Variants in MOB3B observed in about 807,000 individuals in gnomAD.
The protein encoded by MOB3B is MOB kinase activator 3B.
In MOB3B, 7 loss-of-function variants were observed where a neutral mutation model predicts 18.7. That is an observed-to-expected ratio of 0.37 (90% CI 0.21 to 0.70). The LOEUF (loss-of-function observed/expected upper bound fraction) is 0.70, where lower values mean the gene tolerates loss of function less well. Among genes scored for constraint, MOB3B ranks in the 30% least tolerant of loss-of-function variants. The probability of loss-of-function intolerance (pLI) is 0.52; values close to 1 mark genes in which losing one functional copy is unlikely to be tolerated. For missense variants in MOB3B, 253 were observed against 281.3 expected (o/e 0.90, Z 0.72); for synonymous variants, 111 against 99.9 (o/e 1.11, Z -0.66).
chr9:27,518,272 G>A (rs1215031990), intron 1 of MOB3B, among the ~76,000 whole-genome samples: 1 of 152,092 alleles, frequency 6.6e-6, no homozygotes, highest in Non-Finnish European at 1.5e-5. Flanking sequence ...CCCACTGCAC[G>A]CTCATCATTT....
chr9:27,399,763 C>T (rs889284950), intron 2 of MOB3B, among the ~76,000 whole-genome samples: 1 of 152,208 alleles, frequency 6.6e-6, no homozygotes, highest in African/African-American at 2.4e-5. Flanking sequence ...GAGATCTTCT[C>T]TATCTTGAAA....
chr9:27,493,679 A>G (rs563416386), intron 1 of MOB3B, among the ~76,000 whole-genome samples: 10 of 152,194 alleles, frequency 6.6e-5, no homozygotes, highest in East Asian at 1.9e-4. Context: ...CACTTCCCCA[A>G]TCAATACCCT....
At chr9:27,431,142 C>A (rs1038875639) in intron 2 of MOB3B, among the ~76,000 whole-genome samples, 4 of 152,114 alleles carry the variant, frequency 2.6e-5, no homozygotes, top group African/African-American at 9.7e-5. Flanking sequence ...TGATTTTCTA[C>A]CCTTAAAACA....
At chr9:27,463,171 C>T (rs532785706) in intron 1 of MOB3B, among the ~76,000 whole-genome samples, 2 of 152,258 alleles carry the variant, frequency 1.3e-5, no homozygotes, top group African/African-American at 4.8e-5. Flanking sequence ...AGAGACCAGT[C>T]ACCTAGAATC....
intron 3 of MOB3B, among the ~76,000 whole-genome samples, chr9:27,332,987 A>G (rs944986080): frequency 6.6e-6 from 1 of 152,236 alleles, no homozygotes; most frequent in African/African-American, 2.4e-5. Context: ...GTCATTCATG[A>G]ATTTTCAAAA....
intron 2 of MOB3B, among the ~76,000 whole-genome samples, chr9:27,390,124 C>T (rs1468736272): frequency 1.3e-5 from 2 of 152,108 alleles, no homozygotes; most frequent in Non-Finnish European, 2.9e-5. Context: ...GTTACCCAGG[C>T]TGGAGTGCAG....
chr9:27,444,238 GGGAAGGAAGGAAGGAAGGAAGGAAGGAA>G (rs1224881943), intron 2 of MOB3B, among the ~76,000 whole-genome samples: 1 of 107,932 alleles, frequency 9.3e-6, no homozygotes, highest in African/African-American at 3.8e-5. Context: ...GAGGGAGGGA[GGGAAGGAAGGAAGGAAGGAAGGAAGGAA>G]GGAGGGAGGG....
chr9:27,399,657 C>T (rs1004692382), intron 2 of MOB3B, among the ~76,000 whole-genome samples: 14 of 152,102 alleles, frequency 9.2e-5, no homozygotes, highest in African/African-American at 2.9e-4. Context: ...TGAACCCATC[C>T]GCTAATCTGA....
chr9:27,465,214 A>T (rs1158192571), intron 1 of MOB3B, among the ~76,000 whole-genome samples: 1 of 152,188 alleles, frequency 6.6e-6, no homozygotes, highest in African/African-American at 2.4e-5. Context: ...TATTGGGTAA[A>T]TACAGCTGTT....
chr9:27,422,424 T>G (rs1395670214), intron 2 of MOB3B, among the ~76,000 whole-genome samples: 2 of 152,254 alleles, frequency 1.3e-5, no homozygotes, highest in African/African-American at 4.8e-5. Context: ...ACACCTATCT[T>G]GGTTCCACCT....
At chr9:27,428,829 G>A (rs1416827637) in intron 2 of MOB3B, among the ~76,000 whole-genome samples, 3 of 152,202 alleles carry the variant, frequency 2.0e-5, no homozygotes, top group African/African-American at 7.2e-5. Context: ...ATAAGGGACT[G>A]GGTGGGTTGC....
chr9:27,403,516 A>ATTTTTTTTTTTT (rs74178385), intron 2 of MOB3B, among the ~76,000 whole-genome samples: 1 of 79,626 alleles, frequency 1.3e-5, no homozygotes, highest in Non-Finnish European at 2.4e-5. Context: ...CTCTTTACTA[A>ATTTTTTTTTTTT]TTTTTTTTTT....
chr9:27,349,555 A>G (rs1821075952), intron 3 of MOB3B, among the ~76,000 whole-genome samples: 1 of 152,234 alleles, frequency 6.6e-6, no homozygotes, highest in Admixed American at 6.5e-5. Flanking sequence ...CTGACTATTT[A>G]CATTTTCATG....
Position 27,390,213 on chromosome 9 carries a change from G to T in MOB3B, c.419-30977C>A, listed in dbSNP as rs1367263251. 2.0e-5 allele frequency among the ~76,000 whole-genome samples: 3 copies of T among 152,002 alleles called. No homozygotes were observed. In the South Asian group the frequency reaches 6.2e-4, roughly 31 times the overall value. On this transcript the variant is annotated intron_variant, in intron 2 of 3. Transcript: ENST00000262244. Reference sequence around the variant, plus strand: ...AGCGTTTCTCTTGCCTCAGCCTCCTGAGTAGCTGAGATCACAGGTGTATGC... The same window carrying T: ...AGCGTTTCTCTTGCCTCAGCCTCCTTAGTAGCTGAGATCACAGGTGTATGC...
intron 2 of MOB3B, among the ~76,000 whole-genome samples, chr9:27,392,815 C>T (rs1479764641): frequency 3.3e-5 from 5 of 152,194 alleles, no homozygotes; most frequent in Admixed American, 3.3e-4. Flanking sequence ...GTTTCCTTAT[C>T]TATAAAATAA....
intron 3 of MOB3B, among the ~76,000 whole-genome samples, chr9:27,343,986 A>G (rs1041574674): frequency 2.6e-5 from 4 of 152,316 alleles, no homozygotes; most frequent in Admixed American, 6.5e-5. Flanking sequence ...TAGATAGATG[A>G]TGGTAATGGT....
intron 1 of MOB3B, among the ~76,000 whole-genome samples, chr9:27,482,639 C>A (rs913387684): frequency 6.6e-6 from 1 of 151,196 alleles, no homozygotes; most frequent in African/African-American, 2.4e-5. Context: ...TACACCATTG[C>A]CCGTGCTGGT....
In MOB3B at chr9:27,326,665, T is replaced by TTAA. The variant is rs1820716221; in HGVS notation, c.*3919_*3921dup. On this transcript the variant is annotated 3_prime_UTR_variant, in exon 4 of 4. Transcript: ENST00000262244. ...AGAAACCTCTCAAAGTTTCTTCCAC[T>TTAA]TAACCTGGCTCTGAGACTCTGGGTC... 2.5e-6 allele frequency: 1 copy of TTAA among 398,074 alleles called. No individual in the cohort carries two copies. The highest frequency in any genetic ancestry group is 2.1e-5 in the African/African-American group (1 of 48,598). The allele number at this position is 398,074 out of a possible 1,614,324, so 24.7% of individuals were successfully genotyped here. A position where few individuals can be genotyped will look rare whatever the true frequency, so the allele number is the denominator to read the frequency against.
chr9:27,377,027 A>G (rs965042489), intron 2 of MOB3B, among the ~76,000 whole-genome samples: 13 of 152,248 alleles, frequency 8.5e-5, no homozygotes, highest in Admixed American at 2.0e-4. Flanking sequence ...CAAATGACTT[A>G]GCCTCTCTGA....
Sources: gnomAD v4.1 joint callset for allele counts (sites outside exome capture counted in the v4.1 genomes callset) on GRCh38, gnomAD v4.1.1 for gene constraint, MANE v1.5 for transcripts, NCBI Gene and HGNC (gene_info 2026-07-23, HGNC 2026-07-21) for gene names.